Variants in BOD1L1 observed in about 807,000 individuals in gnomAD.
The protein encoded by BOD1L1 is biorientation of chromosomes in cell division 1 like 1.
Under a neutral mutation model 240.7 loss-of-function variants are expected in BOD1L1, and 86 were observed. The observed-to-expected ratio is 0.36, with a 90% CI of 0.30 to 0.43. BOD1L1 has a LOEUF of 0.43. BOD1L1 is among the 20% of genes least tolerant of loss of function. The pLI, the probability that BOD1L1 is intolerant of heterozygous loss-of-function variation, is 1.00. For missense variants in BOD1L1, 3,554 were observed against 3,643.5 expected (o/e 0.98, Z 0.63); for synonymous variants, 1,268 against 1,272.3 (o/e 1.00, Z 0.07).
rs1173592548 is a variant in BOD1L1 at position 13,604,983 on chromosome 4, A to G, written c.1917T>C (p.His639=). Residue 639 remains histidine, a synonymous_variant, in exon 10 of 26, where the codon CAT becomes CAC. Transcript: ENST00000040738. ...ATTCATTTTTGTTTTCGTCAACTAC[A>G]TGCAAAGACTCTGAAAGTCTCCGGG... ...KPARRLSESL[H]VVDENKNESK... 61 of 1,613,380 alleles carry G rather than the reference A, an allele frequency of 3.8e-5. No homozygotes were observed. Among genetic ancestry groups the G allele is most frequent in the Non-Finnish European group, 5.1e-5 (60 of 1,179,724 alleles).
chr4:13,614,379 TCTCATTG>T lies in BOD1L1; in HGVS notation c.984_990del (p.Ser328ArgfsTer40), dbSNP rs1716412627. On this transcript the variant is annotated frameshift_variant, in exon 4 of 26. Transcript: ENST00000040738. LOFTEE classifies it high-confidence loss of function. ...TTCTTTTCTTTCTTTCTTTCTCCTT[TCTCATTG>T]CTGTCTGGCTTCTTTTCACCTTTGT... is the stretch of plus-strand genomic sequence containing the variant. The T allele has an allele frequency of 6.4e-7, 1 of 1,558,900 alleles. No individual in the cohort carries two copies. The highest frequency in any genetic ancestry group is 1.4e-5 in the African/African-American group (1 of 73,562).
At chr4:13,574,716 C>G (rs969197109) in intron 25 of BOD1L1, among the ~76,000 whole-genome samples, 3 of 152,086 alleles carry the variant, frequency 2.0e-5, no homozygotes, top group Non-Finnish European at 2.9e-5. Flanking sequence ...AATTTGGATT[C>G]TGTGACTTCT....
Position 13,568,956 on chromosome 4 carries a change from G to GT in BOD1L1, c.*1054dup, listed in dbSNP as rs1399698944. 1.3e-5 allele frequency: 2 copies of GT among 152,040 alleles called. No individual in the cohort carries two copies. Among genetic ancestry groups the GT allele is most frequent in the Non-Finnish European group, 2.9e-5 (2 of 68,006 alleles). The allele number at this position is 152,040 out of a possible 1,614,324, so 9.4% of individuals were successfully genotyped here. A position where few individuals can be genotyped will look rare whatever the true frequency, so the allele number is the denominator to read the frequency against. ...ATCATTGCAAGAGACAAATTTGATC[G>GT]TAAGAAGTTTAATCTTATGAAAAAC... On this transcript the variant is annotated 3_prime_UTR_variant, in exon 26 of 26. Coordinates refer to ENST00000040738, the MANE Select transcript of BOD1L1 (RefSeq NM_148894.3).
At chr4:13,594,951 G>GT (rs1344555978) in intron 12 of BOD1L1, among the ~76,000 whole-genome samples, 12 of 152,142 alleles carry the variant, frequency 7.9e-5, no homozygotes, top group Non-Finnish European at 1.5e-4. Context: ...CCGTCTATCT[G>GT]TAATGTTGGA....
In BOD1L1 at chr4:13,627,497, C is replaced by CCGG. The variant is rs1353902741; in HGVS notation, c.88_90dup (p.Pro30dup). 7 of 1,000,874 alleles carry CCGG rather than the reference C, an allele frequency of 7.0e-6. No individual in the cohort carries two copies. The highest frequency in any genetic ancestry group is 4.9e-4 in the Middle Eastern group (1 of 2,040). The allele number at this position is 1,000,874 out of a possible 1,614,324, so 62.0% of individuals were successfully genotyped here. A position where few individuals can be genotyped will look rare whatever the true frequency, so the allele number is the denominator to read the frequency against. On this transcript the variant is annotated inframe_insertion, in exon 1 of 26. Transcript: ENST00000040738. ...CCCGCGCCGGGGCCAGCCCCGGGGC[C>CCGG]CGGCGGCGGCGGCGGTGGCTGCGGC...
intron 12 of BOD1L1, chr4:13,592,215 T>C (rs1345111292): frequency 4.5e-6 from 2 of 442,094 alleles, no homozygotes; most frequent in Non-Finnish European, 8.1e-6. Context: ...ACGGCAGTGG[T>C]ATATTACATC....
At chr4:13,619,896 G>A in intron 2 of BOD1L1, 47 bp downstream of exon 2, 1 of 1,596,392 alleles carries the variant, frequency 6.3e-7, no homozygotes, top group Non-Finnish European at 8.6e-7. Flanking sequence ...AGGCAAAGTA[G>A]GTTAGGACAT....
chr4:13,602,149 G>C lies in BOD1L1; in HGVS notation c.4751C>G (p.Thr1584Ser). The C allele has an allele frequency of 1.2e-6, 2 of 1,613,980 alleles. No homozygotes were observed. Among genetic ancestry groups the C allele is most frequent in the Non-Finnish European group, 1.7e-6 (2 of 1,179,886 alleles). ...ACCTTCTTCAGCTGCAGCAAAAACAGTGCATTCACTGGCTTCTGCACCAAC... is the reference window on the plus strand; with the variant it reads ...ACCTTCTTCAGCTGCAGCAAAAACACTGCATTCACTGGCTTCTGCACCAAC... Reference protein sequence around the residue: ...LHVGAEASECTVFAAAEEGGA... With the variant: ...LHVGAEASECSVFAAAEEGGA... Residue 1584 changes from threonine (T) to serine (S), a missense_variant, in exon 10 of 26, where the codon ACT (threonine) becomes AGT (serine). Thr to Ser is a moderately conservative substitution (Grantham distance 58). Around this residue, in one of 2 missense-constraint regions of BOD1L1, gnomAD observed 3,393 missense variants for 3,427.1 expected, o/e 0.99. Coordinates refer to ENST00000040738, the MANE Select transcript of BOD1L1 (RefSeq NM_148894.3).
chr4:13,603,717 G>A lies in BOD1L1; in HGVS notation c.3183C>T (p.Leu1061=). Residue 1061 remains leucine (L), a synonymous_variant, in exon 10 of 26, where the codon CTC becomes CTT. Transcript: ENST00000040738. ...SHEKARGNSS[L]MEKKLSRRLC... ...ACCTTCTACTTAATTTCTTTTCCAT[G>A]AGTGAACTATTACCTCTGGCCTTTT... is the stretch of plus-strand genomic sequence containing the variant. The A allele has an allele frequency of 6.2e-7, 1 of 1,613,870 alleles. No individual in the cohort carries two copies.
chr4:13,601,777 T>A lies in BOD1L1; in HGVS notation c.5123A>T (p.Asp1708Val). ...TCTCATCATATTTCCCTGGGAGCCA[T>A]CCACCTCTTCACTGCTTATAGATCC... The part of the protein sequence containing the change: ...RAGSISSEEV[D>V]GSQGNMMRMG... The change falls in exon 10 of 26, where the codon GAT (aspartate) becomes GTT (valine). Residue 1708 changes from aspartate to valine, a missense_variant. This residue lies in a region of BOD1L1 where 3,393 missense variants were observed against 3,427.1 expected (regional missense o/e 0.99). Transcript: ENST00000040738. 1 of 1,614,010 alleles carries A rather than the reference T, an allele frequency of 6.2e-7. No individual in the cohort carries two copies. The highest frequency in any genetic ancestry group is 8.5e-7 in the Non-Finnish European group (1 of 1,179,894).
At chr4:13,597,787 G>A (rs538329664) in intron 10 of BOD1L1, among the ~76,000 whole-genome samples, 1 of 152,242 alleles carries the variant, frequency 6.6e-6, no homozygotes, top group South Asian at 2.1e-4. Flanking sequence ...AAAACTTCTG[G>A]AGCATTCAAT....
rs1311969220 is a variant in BOD1L1, at chr4:13,576,963, C to T, written c.8913G>A (p.Gln2971=). The change falls in exon 25 of 26, where the codon CAG becomes CAA. Residue 2971 remains glutamine (Q), a synonymous_variant. Coordinates refer to ENST00000040738, the MANE Select transcript of BOD1L1 (RefSeq NM_148894.3). ...AESSEPERKR[Q]KSVSDPVEDK... The stretch of plus-strand genomic sequence containing the variant: ...CCTCCACTGGATCAGAAACTGATTT[C>T]TGGCGTTTTCTTTCTGGCTCTGAGG... The T allele has an allele frequency of 6.2e-7, 1 of 1,613,848 alleles. No homozygotes were observed. The highest frequency in any genetic ancestry group is 8.5e-7 in the Non-Finnish European group (1 of 1,179,884).
At chr4:13,608,746 T>C (rs895686183) in intron 7 of BOD1L1, 78 bp from the exon 8 acceptor site, 5 of 1,240,874 alleles carry the variant, frequency 4.0e-6, no homozygotes, top group Non-Finnish European at 5.2e-6. Context: ...CATTAAGATT[T>C]TTCTAATCAT....
At chr4:13,592,217 T>C (rs1447578462) in intron 12 of BOD1L1, 2 of 435,060 alleles carry the variant, frequency 4.6e-6, no homozygotes, top group Non-Finnish European at 4.1e-6. Context: ...GGCAGTGGTA[T>C]ATTACATCAC....
chr4:13,594,724 A>G (rs549789267), intron 12 of BOD1L1, among the ~76,000 whole-genome samples: 26 of 152,094 alleles, frequency 1.7e-4, no homozygotes, highest in South Asian at 4.2e-4. Context: ...GTGAAACCCC[A>G]TCTCTACTAA....
intron 8 of BOD1L1, among the ~76,000 whole-genome samples, chr4:13,607,544 C>T (rs1160093876): frequency 1.3e-5 from 2 of 152,162 alleles, no homozygotes; most frequent in African/African-American, 2.4e-5. Flanking sequence ...GTGTTCCACC[C>T]GCCTCTGCCT....
intron 1 of BOD1L1, among the ~76,000 whole-genome samples, chr4:13,621,201 G>A (rs1002059671): frequency 2.0e-5 from 3 of 152,192 alleles, no homozygotes; most frequent in Non-Finnish European, 4.4e-5. Flanking sequence ...ACTCAGCACT[G>A]CACTCCATTT....
At chr4:13,611,189 T>C (rs369617468) in intron 5 of BOD1L1, 89 bp from the exon 6 acceptor site, 19 of 894,006 alleles carry the variant, frequency 2.1e-5, no homozygotes, top group African/African-American at 1.0e-4. Context: ...GCAAGATGAA[T>C]TGGAGGTCCA....
intron 1 of BOD1L1, among the ~76,000 whole-genome samples, chr4:13,622,626 A>G (rs1005564463): frequency 1.3e-5 from 2 of 152,126 alleles, no homozygotes; most frequent in Non-Finnish European, 2.9e-5. Context: ...ACTTCCCACT[A>G]CCTTTACTGA....
Sources: gnomAD v4.1 joint callset for allele counts (sites outside exome capture counted in the v4.1 genomes callset) on GRCh38, gnomAD v4.1.1 for gene constraint, gnomAD v4.1.1 regional missense constraint, MANE v1.5 for transcripts, NCBI Gene and HGNC (gene_info 2026-07-23, HGNC 2026-07-21) for gene names.